Variants in C1orf159 observed in about 807,000 individuals in gnomAD.
C1orf159 encodes chromosome 1 open reading frame 159.
Under a neutral mutation model 25.6 loss-of-function variants are expected in C1orf159, and 19 were observed. The observed-to-expected ratio is 0.74, with a 90% CI of 0.52 to 1.09. The LOEUF (loss-of-function observed/expected upper bound fraction) is 1.09. Ranked by LOEUF, C1orf159 falls within the 50% of genes least tolerant of loss-of-function variation. The probability of loss-of-function intolerance (pLI) is 0.00; values close to 1 mark genes in which losing one functional copy is unlikely to be tolerated. For missense variants in C1orf159, 274 were observed against 290.6 expected (o/e 0.94, Z 0.42); for synonymous variants, 139 against 124.7 (o/e 1.12, Z -0.77).
chr1:1,087,437 C>T lies in C1orf159; in HGVS notation c.244+65G>A. On this transcript the variant is annotated intron_variant, in intron 5 of 9. Transcript: ENST00000421241. This position sits in a 1 kb window ranked among gnomAD's most constrained non-coding sequence, Gnocchi z 8.3. Reference sequence around the variant, plus strand: ...GGCAAGGTGGGGACACAGACAGCAACTCCCACAGTGTCTCCCACAGCTGGA... The same window carrying T: ...GGCAAGGTGGGGACACAGACAGCAATTCCCACAGTGTCTCCCACAGCTGGA... 1 of 1,430,648 alleles carries T rather than the reference C, an allele frequency of 7.0e-7. No individual in the cohort carries two copies. The highest frequency in any genetic ancestry group is 9.5e-7 in the Non-Finnish European group (1 of 1,049,584). The allele number at this position is 1,430,648 out of a possible 1,614,324, so 88.6% of individuals were successfully genotyped here.
At chr1:1,093,968 T>C (rs1570316363) in intron 1 of C1orf159, among the ~76,000 whole-genome samples, 1 of 152,358 alleles carries the variant, frequency 6.6e-6, no homozygotes, top group East Asian at 1.9e-4. Flanking sequence ...AATCTGCATT[T>C]CCCTGAAGAC....
chr1:1,090,173 C>T (rs572973197), intron 4 of C1orf159, among the ~76,000 whole-genome samples, 180 bp downstream of exon 4: 17 of 152,336 alleles, frequency 1.1e-4, no homozygotes, highest in African/African-American at 2.2e-4. Context: ...CAAGGCCGCC[C>T]GCCAGAAAGG....
chr1:1,084,598 T>TGCCTCA, intron 7 of C1orf159, 92 bp from the exon 8 acceptor site: 1 of 1,501,704 alleles, frequency 6.7e-7, no homozygotes, highest in Non-Finnish European at 9.0e-7. Context: ...AGCGAGGAGC[T>TGCCTCA]GCCTCAGCCT....
intron 3 of C1orf159, chr1:1,091,059 GC>G (rs1427508602): frequency 1.4e-4 from 174 of 1,235,498 alleles, no homozygotes; most frequent in Non-Finnish European, 1.9e-4. Context: ...CCAGGGAGGG[GC>G]CCAGGTCCGG....
At chr1:1,084,779 C>T (rs1645803170) in intron 7 of C1orf159, among the ~76,000 whole-genome samples, 1 of 152,154 alleles carries the variant, frequency 6.6e-6, no homozygotes, top group Non-Finnish European at 1.5e-5. Context: ...TCCCTGGACC[C>T]ACCTTCCCGC....
chr1:1,102,831 T>G (rs1381134068), intron 1 of C1orf159, among the ~76,000 whole-genome samples: 2 of 149,368 alleles, frequency 1.3e-5, no homozygotes, highest in South Asian at 2.1e-4. Flanking sequence ...TCAGATCTTG[T>G]TTTTTTTTGA....
At chr1:1,106,747 A>T (rs1368794332) in intron 1 of C1orf159, 4 of 153,442 alleles carry the variant, frequency 2.6e-5, no homozygotes, top group African/African-American at 9.6e-5. Flanking sequence ...GGGCTGGCCG[A>T]GGCCGGAGCC....
rs1570294129 is a variant in C1orf159, at chr1:1,082,434, GC to G, written c.*458del. ...ACCGGCTGGAACGGCACGAGGACCA[GC>G]CTCACTGTTCTCAGAGGGGTCTCGG... On this transcript the variant is annotated 3_prime_UTR_variant, in exon 10 of 10. Coordinates refer to ENST00000421241, the MANE Select transcript of C1orf159 (RefSeq NM_017891.5). The G allele has an allele frequency of 5.3e-6, 1 of 187,940 alleles. No individual in the cohort carries two copies. Among genetic ancestry groups the G allele is most frequent in the East Asian group, 1.7e-4 (1 of 5,904 alleles). The allele number at this position is 187,940 out of a possible 1,614,324, so 11.6% of individuals were successfully genotyped here. A position where few individuals can be genotyped will look rare whatever the true frequency, so the allele number is the denominator to read the frequency against.
At chr1:1,086,308 C>T (rs941806450) in intron 6 of C1orf159, among the ~76,000 whole-genome samples, 13 of 152,236 alleles carry the variant, frequency 8.5e-5, no homozygotes, top group African/African-American at 1.4e-4. Context: ...CCGGGCTCTG[C>T]GGAAACACCT....
Position 1,087,689 on chromosome 1 carries a change from T to C in C1orf159, c.149-92A>G. ...TGATTCTCTATTTGAGTTGGTGAGA[T>C]AACTTTCATTCCAGATACTAACATG... On this transcript the variant is annotated intron_variant, in intron 4 of 9. Coordinates refer to ENST00000421241, the MANE Select transcript of C1orf159 (RefSeq NM_017891.5). This position sits in a 1 kb window ranked among gnomAD's most constrained non-coding sequence, Gnocchi z 8.3. 1 of 949,780 alleles carries C rather than the reference T, an allele frequency of 1.1e-6. No homozygotes were observed. The highest frequency in any genetic ancestry group is 1.6e-6 in the Non-Finnish European group (1 of 633,594). 58.8% of individuals were successfully genotyped at this position (949,780 alleles called of 1,614,324 possible). A position where few individuals can be genotyped will look rare whatever the true frequency, so the allele number is the denominator to read the frequency against.
At chr1:1,093,198 G>A (rs1477966844) in intron 1 of C1orf159, among the ~76,000 whole-genome samples, 2 of 152,168 alleles carry the variant, frequency 1.3e-5, no homozygotes, top group African/African-American at 4.8e-5. Context: ...TTGCCCAGCA[G>A]AGACCGTCTT....
chr1:1,090,907 G>C (rs1319933080), intron 3 of C1orf159: 5 of 1,550,416 alleles, frequency 3.2e-6, no homozygotes, highest in Non-Finnish European at 2.6e-6. Context: ...CCTGACCACA[G>C]GCAGACTGGA....
chr1:1,085,898 G>A lies in C1orf159; in HGVS notation c.425C>T (p.Ala142Val). ...YLKRSSKLPR[A>V]CYRRNKAPAL... The stretch of plus-strand genomic sequence containing the variant: ...GATACCTTTGTTTCTTCTGTAGCAG[G>A]CCCTGGGGAGTTTACTGGAGCGCTT... The change falls in exon 7 of 10, where the codon GCC (alanine) becomes GTC (valine). Residue 142 changes from alanine (A) to valine (V), a missense_variant. By Grantham distance (64) the Ala-to-Val change is moderately conservative. Coordinates refer to ENST00000421241, the MANE Select transcript of C1orf159 (RefSeq NM_017891.5). 2 of 1,613,382 alleles carry A rather than the reference G, an allele frequency of 1.2e-6. No individual in the cohort carries two copies. Among genetic ancestry groups the A allele is most frequent in the East Asian group, 2.2e-5 (1 of 44,886 alleles).
intron 1 of C1orf159, among the ~76,000 whole-genome samples, chr1:1,107,220 C>T (rs1445028642): frequency 6.6e-6 from 1 of 152,272 alleles, no homozygotes; most frequent in Non-Finnish European, 1.5e-5. Context: ...GCCAGCTGGG[C>T]TCCTGAGTCG....
intron 1 of C1orf159, among the ~76,000 whole-genome samples, chr1:1,106,471 C>T (rs1646172190): frequency 6.6e-6 from 1 of 152,186 alleles, no homozygotes; most frequent in East Asian, 1.9e-4. Context: ...TAAACACACA[C>T]ACAAAATTAA....
intron 1 of C1orf159, among the ~76,000 whole-genome samples, chr1:1,101,864 G>A (rs1364710904): frequency 3.3e-5 from 5 of 151,952 alleles, no homozygotes; most frequent in African/African-American, 7.3e-5. Context: ...CTGAGGTCAG[G>A]AGTTCGAGAC....
chr1:1,096,087 A>G (rs1034432943), intron 1 of C1orf159, among the ~76,000 whole-genome samples: 1 of 152,040 alleles, frequency 6.6e-6, no homozygotes, highest in Admixed American at 6.6e-5. Flanking sequence ...CTTCGTAAGG[A>G]TTTTTGCCTG....
At chr1:1,103,722 C>G (rs1314213946) in intron 1 of C1orf159, among the ~76,000 whole-genome samples, 1 of 152,178 alleles carries the variant, frequency 6.6e-6, no homozygotes, top group Non-Finnish European at 1.5e-5. Flanking sequence ...AGATAGCGTA[C>G]TTTCTTTTTT....
rs1005442436 is a variant in C1orf159, at chr1:1,089,234, G to A, written c.148+1119C>T. Among the ~76,000 whole-genome samples the A allele has an allele frequency of 4.6e-5, 7 of 152,100 alleles. No individual in the cohort carries two copies. Among genetic ancestry groups the A allele is most frequent in the African/African-American group, 9.7e-5 (4 of 41,396 alleles). On this transcript the variant is annotated intron_variant, in intron 4 of 9. Transcript: ENST00000421241. This position sits in a 1 kb window ranked among gnomAD's most constrained non-coding sequence, Gnocchi z 7.5. ...CCTCGGCCCTTGGACTTCACGACCC[G>A]CTGGCCTGGCCCCTCCATGGGCACC...
Sources: gnomAD v4.1 joint callset for allele counts (sites outside exome capture counted in the v4.1 genomes callset) on GRCh38, gnomAD v4.1.1 for gene constraint, Gnocchi (gnomAD v3.1) non-coding constraint, MANE v1.5 for transcripts, NCBI Gene and HGNC (gene_info 2026-07-23, HGNC 2026-07-21) for gene names.